PCDH11Y: variants seen among roughly 807,000 people sequenced by gnomAD.
PCDH11Y encodes protocadherin 11 Y-linked.
For missense variants in PCDH11Y, 12 were observed against 224.8 expected (o/e 0.05, Z 6.05); for synonymous variants, 9 against 83.6 (o/e 0.11, Z 4.87).
At chrY:5,727,123 T>C (rs1602964684) in intron 4 of PCDH11Y, among the ~76,000 whole-genome samples, 1 of 33,207 alleles carries the variant, frequency 3.0e-5, no homozygotes, top group African/African-American at 1.2e-4. Context: ...CACTGGACTC[T>C]ATAACAAATT....
At chrY:5,229,169 G>C in intron 2 of PCDH11Y, among the ~76,000 whole-genome samples, 1 of 31,394 alleles carries the variant, frequency 3.2e-5, no homozygotes, top group Non-Finnish European at 7.7e-5. Context: ...TCATTATATA[G>C]TGAACTTCGT....
intron 1 of PCDH11Y, among the ~76,000 whole-genome samples, chrY:5,025,499 G>C: frequency 3.0e-5 from 1 of 33,290 alleles, no homozygotes. Context: ...TGGCCTTGCT[G>C]GCAACAGTAG....
At chrY:5,567,714 A>T in intron 3 of PCDH11Y, among the ~76,000 whole-genome samples, 1 of 29,082 alleles carries the variant, frequency 3.4e-5, no homozygotes, top group Non-Finnish European at 8.0e-5. Context: ...ATCAGTATAT[A>T]TAGATATTAT....
chrY:5,192,391 T>G, intron 2 of PCDH11Y, among the ~76,000 whole-genome samples: 2 of 33,608 alleles, frequency 6.0e-5, no homozygotes, highest in Non-Finnish European at 1.5e-4. Flanking sequence ...ATTTTAAATT[T>G]AAGAGTACTT....
At chrY:5,424,632 C>A (rs2053261510) in intron 2 of PCDH11Y, among the ~76,000 whole-genome samples, 1 of 33,787 alleles carries the variant, frequency 3.0e-5, no homozygotes, top group East Asian at 7.8e-4. Flanking sequence ...ACATGTGCCC[C>A]TACTTAGTCT....
chrY:5,320,574 T>C, intron 2 of PCDH11Y, among the ~76,000 whole-genome samples: 1 of 33,744 alleles, frequency 3.0e-5, no homozygotes, highest in Non-Finnish European at 7.4e-5. Context: ...GACACGTTCT[T>C]GAATATACTG....
chrY:5,421,444 C>T (rs2053258208), intron 2 of PCDH11Y, among the ~76,000 whole-genome samples: 1 of 32,556 alleles, frequency 3.1e-5, no homozygotes, highest in Admixed American at 2.9e-4. Context: ...CAGAAAAAGA[C>T]ACTGCAAGGA....
chrY:5,422,588 C>G, intron 2 of PCDH11Y, among the ~76,000 whole-genome samples: 1 of 32,993 alleles, frequency 3.0e-5, no homozygotes, highest in Non-Finnish European at 7.5e-5. Context: ...GGTATGAATA[C>G]AGGTATATAG....
intron 3 of PCDH11Y, among the ~76,000 whole-genome samples, chrY:5,512,477 C>CAAA (rs1271109296): frequency 1.2e-4 from 2 of 16,984 alleles, no homozygotes; most frequent in African/African-American, 5.2e-4. Flanking sequence ...GACTCCATGT[C>CAAA]AAAAAAAAAA....
intron 2 of PCDH11Y, among the ~76,000 whole-genome samples, chrY:5,397,421 T>C: frequency 3.1e-5 from 1 of 31,853 alleles, no homozygotes; most frequent in Admixed American, 3.0e-4. Context: ...ATGGATGCTG[T>C]TCATTTCTTT....
intron 2 of PCDH11Y, among the ~76,000 whole-genome samples, chrY:5,151,627 C>T: frequency 6.5e-5 from 2 of 30,723 alleles, no homozygotes; most frequent in East Asian, 1.8e-3. Flanking sequence ...ATCTGTACTA[C>T]CAATGGCATG....
intron 2 of PCDH11Y, among the ~76,000 whole-genome samples, chrY:5,357,251 G>GTATATATA (rs760306167): frequency 1.6e-3 from 25 of 15,242 alleles, no homozygotes; most frequent in African/African-American, 6.0e-3. Context: ...ATATATATAC[G>GTATATATA]TATATATATA....
At chrY:5,181,331 T>A (rs2052899899) in intron 2 of PCDH11Y, among the ~76,000 whole-genome samples, 1 of 31,754 alleles carries the variant, frequency 3.1e-5, no homozygotes, top group Non-Finnish European at 7.6e-5. Flanking sequence ...CTGGCCTTTC[T>A]CTCTAGCTGC....
At chrY:5,578,532 G>A (rs2124697185) in intron 3 of PCDH11Y, among the ~76,000 whole-genome samples, 1 of 32,853 alleles carries the variant, frequency 3.0e-5, no homozygotes, top group Non-Finnish European at 7.5e-5. Flanking sequence ...AGCTGAGATG[G>A]GATAACTGCT....
intron 2 of PCDH11Y, among the ~76,000 whole-genome samples, chrY:5,485,386 C>T: frequency 3.0e-5 from 1 of 33,257 alleles, no homozygotes; most frequent in Non-Finnish European, 7.4e-5. Flanking sequence ...AAACAGAAGA[C>T]AGTGTTCAAA....
At chrY:5,302,207 G>GAGGAAGGAAGGA (rs767610156) in intron 2 of PCDH11Y, among the ~76,000 whole-genome samples, 41 of 19,990 alleles carry the variant, frequency 2.1e-3, no homozygotes, top group Middle Eastern at 0.037. Context: ...GGAAGGAAGG[G>GAGGAAGGAAGGA]AGGAAGGAAG....
At chrY:5,642,189 CA>C (rs2053523654) in intron 4 of PCDH11Y, among the ~76,000 whole-genome samples, 1 of 32,997 alleles carries the variant, frequency 3.0e-5, no homozygotes, top group African/African-American at 1.2e-4. Flanking sequence ...GGCTTTCTGA[CA>C]AATCTGCCAT....
intron 3 of PCDH11Y, among the ~76,000 whole-genome samples, chrY:5,040,652 A>G: frequency 3.2e-5 from 1 of 30,881 alleles, no homozygotes; most frequent in African/African-American, 1.3e-4. Context: ...GGCTAATGAT[A>G]AATCATTTTT....
chrY:5,078,798 CT>C lies in PCDH11Y; in HGVS notation c.637-19416del, dbSNP rs756802680. On this transcript the variant is annotated intron_variant, in intron 1 of 1. Transcript: ENST00000215473. Reference sequence around the variant, plus strand: ...ACAGTGAAACCATATTTTTCTGCCCCTGGCCCCTCCCAGAACTCATGTCATC... The same window carrying C: ...ACAGTGAAACCATATTTTTCTGCCCCGGCCCCTCCCAGAACTCATGTCATC... Among the ~76,000 whole-genome samples, 31 of 32,900 alleles carry C rather than the reference CT, an allele frequency of 9.4e-4. No individual in the cohort carries two copies. In the Middle Eastern group the frequency reaches 0.083, roughly 88 times the overall value. The allele number at this position is 32,900 out of a possible 37,273, so 88.3% of individuals were successfully genotyped here. A position where few individuals can be genotyped will look rare whatever the true frequency, so the allele number is the denominator to read the frequency against.
Sources: gnomAD v4.1 joint callset for allele counts (sites outside exome capture counted in the v4.1 genomes callset) on GRCh38, gnomAD v4.1.1 for gene constraint, MANE v1.5 for transcripts, NCBI Gene and HGNC (gene_info 2026-07-23, HGNC 2026-07-21) for gene names.